SLC35F5: variants seen among roughly 807,000 people sequenced by gnomAD.
SLC35F5 encodes solute carrier family 35 member F5, also known as HCV NS5A-transactivated protein 3.
Under a neutral mutation model 68.6 loss-of-function variants are expected in SLC35F5, and 54 were observed. That is an observed-to-expected ratio of 0.79 (90% CI 0.63 to 0.99). The LOEUF is 0.99. Ranked by LOEUF, SLC35F5 falls within the 50% of genes least tolerant of loss-of-function variation. The pLI is 0.00. For missense variants in SLC35F5, 567 were observed against 626.9 expected (o/e 0.90, Z 1.02); for synonymous variants, 211 against 205.2 (o/e 1.03, Z -0.24).
downstream of SLC35F5, chr2:113,705,049 T>G (rs985653201): frequency 2.0e-5 from 3 of 152,190 alleles, no homozygotes; most frequent in Non-Finnish European, 2.9e-5. Flanking sequence ...TAGAGAACAC[T>G]AGACTGACAG....
intron 14 of SLC35F5, among the ~76,000 whole-genome samples, chr2:113,718,278 GGGTCTTGATATGTTGCCCAGGCT>G (rs1574209362): frequency 6.6e-6 from 1 of 151,964 alleles, no homozygotes; most frequent in African/African-American, 2.4e-5. Context: ...CTTAGAGACA[GGGTCTTGATATGTTGCCCAGGCT>G]GGTCTTGAGC....
In SLC35F5 at chr2:113,742,862, C is replaced by T. The variant is rs947208204; in HGVS notation, c.580G>A (p.Val194Met). 6.2e-7 allele frequency: 1 copy of T among 1,613,100 alleles called. No homozygotes were observed. Among genetic ancestry groups the T allele is most frequent in the African/African-American group, 1.3e-5 (1 of 74,882 alleles). ...ATCTCCATGATATTACTGAACCTCA[C>T]ACGAGACTTTTTGGGGGCTTAAAAG... Reference protein sequence around the residue: ...DTEKTPKKSRVRFSNIMEIRQ... With the variant: ...DTEKTPKKSRMRFSNIMEIRQ... The change falls in exon 7 of 16, where the codon GTG becomes ATG. Residue 194 changes from valine to methionine, a missense_variant. Coordinates refer to ENST00000245680, the MANE Select transcript of SLC35F5 (RefSeq NM_025181.5).
intron 11 of SLC35F5, among the ~76,000 whole-genome samples, chr2:113,728,378 A>T (rs1332250160): frequency 1.3e-5 from 2 of 151,986 alleles, no homozygotes; most frequent in Non-Finnish European, 2.9e-5. Flanking sequence ...GGCTTCAAGC[A>T]GTCCTCCTGC....
rs1243344529 is a variant in SLC35F5 at position 113,706,935 on chromosome 2, T to C, written c.*8283A>G. Reference sequence around the variant, plus strand: ...TGTTCCCAAATTATATAGTTTAAAATACACAATGTTTCAAGTTGCAAGACA... The same window carrying C: ...TGTTCCCAAATTATATAGTTTAAAACACACAATGTTTCAAGTTGCAAGACA... On this transcript the variant is annotated 3_prime_UTR_variant, in exon 16 of 16. Transcript: ENST00000245680. Among the ~76,000 whole-genome samples, 2 of 152,158 alleles carry C rather than the reference T, an allele frequency of 1.3e-5. No homozygotes were observed. Among genetic ancestry groups the C allele is most frequent in the Non-Finnish European group, 2.9e-5 (2 of 68,028 alleles).
rs1677000733 is a variant in SLC35F5, at chr2:113,756,520, G to T, written c.-111C>A. ...CCGCACTGGAGGCCCAGCTCCTGAAGACGCGGTGCCCCTCAGGGAGAGGCT... is the reference window on the plus strand; with the variant it reads ...CCGCACTGGAGGCCCAGCTCCTGAATACGCGGTGCCCCTCAGGGAGAGGCT... On this transcript the variant is annotated 5_prime_UTR_variant, in exon 1 of 16. Transcript: ENST00000245680. 1.3e-6 allele frequency: 2 copies of T among 1,504,478 alleles called. No individual in the cohort carries two copies. Among genetic ancestry groups the T allele is most frequent in the Non-Finnish European group, 1.8e-6 (2 of 1,131,156 alleles). The allele number at this position is 1,504,478 out of a possible 1,614,324, so 93.2% of individuals were successfully genotyped here.
At position 113,756,447 on chromosome 2, in the gene SLC35F5, C is replaced by G. The variant is rs1432460103; in HGVS notation, c.-38G>C. On this transcript the variant is annotated 5_prime_UTR_variant, in exon 1 of 16. Transcript: ENST00000245680. The stretch of plus-strand genomic sequence containing the variant: ...CAGGCCCCGCAGCCGCCCAGCGCCA[C>G]GGCCGCGGCCTCGGACTCACAGAGC... The G allele has an allele frequency of 6.5e-7, 1 of 1,539,182 alleles. No homozygotes were observed. The highest frequency in any genetic ancestry group is 2.0e-5 in the Admixed American group (1 of 50,882).
rs779197023 is a variant in SLC35F5 at position 113,725,703 on chromosome 2, C to A, written c.1091-166G>T. On this transcript the variant is annotated intron_variant, in intron 11 of 15. Transcript: ENST00000245680. ...TAAGTCAGTCCTGTGAATAGCTCAA[C>A]GCCATAGAAAAAAAAACTGTCTGAA... 162 of 536,138 alleles carry A rather than the reference C, an allele frequency of 3.0e-4. 2 individuals carry two copies. In the East Asian group the frequency reaches 5.4e-3, roughly 18 times the overall value. The allele number at this position is 536,138 out of a possible 1,614,324, so 33.2% of individuals were successfully genotyped here.
At chr2:113,717,943 C>T (rs1204567370) in intron 14 of SLC35F5, 93 bp from the exon 15 acceptor site, 1 of 844,478 alleles carries the variant, frequency 1.2e-6, no homozygotes, top group African/African-American at 1.7e-5. Flanking sequence ...GCTATGTGGA[C>T]AGGATGCAAG....
At chr2:113,734,126 G>A (rs1384612194) in intron 9 of SLC35F5, among the ~76,000 whole-genome samples, 1 of 152,200 alleles carries the variant, frequency 6.6e-6, no homozygotes, top group Non-Finnish European at 1.5e-5. Flanking sequence ...GTGCAAAACT[G>A]CCAAATGAAT....
downstream of SLC35F5, chr2:113,704,207 T>G (rs967584514): frequency 6.6e-6 from 1 of 152,264 alleles, no homozygotes. Context: ...TTTTATTCTC[T>G]TATCTGGCCC....
chr2:113,755,516 T>C lies in SLC35F5; in HGVS notation c.69A>G (p.Arg23=). 1 of 1,613,930 alleles carries C rather than the reference T, an allele frequency of 6.2e-7. No individual in the cohort carries two copies. The highest frequency in any genetic ancestry group is 8.5e-7 in the Non-Finnish European group (1 of 1,179,956). The change falls in exon 2 of 16, where the codon AGA becomes AGG. Residue 23 remains arginine (R), a synonymous_variant. Transcript: ENST00000245680. The part of the protein sequence containing the change: ...PGVLSSSPPF[R]LRSAKFSGIA... ...TGCCGGAAAACTTGGCAGATCTCAG[T>C]CTAAAAGGAGGTGAAGAACTCAGCA...
chr2:113,753,002 G>A (rs1676805421), intron 3 of SLC35F5, among the ~76,000 whole-genome samples: 1 of 152,004 alleles, frequency 6.6e-6, no homozygotes. Flanking sequence ...AAAAAGTTTT[G>A]AGGAGAGGTT....
At chr2:113,756,067 AT>A in intron 1 of SLC35F5, 1 of 1,458,210 alleles carries the variant, frequency 6.9e-7, no homozygotes, top group Non-Finnish European at 9.0e-7. Context: ...ACATCCAGTC[AT>A]TTTAAAAGAA....
Position 113,719,197 on chromosome 2 carries a change from T to A in SLC35F5, c.1453A>T (p.Arg485Ter). ...NNWDPVMVGI[R>*]RIFAFICRKH... ...CTGCATATAAAAGCAAATATTCTTC[T>A]GATTCCCACCATCACAGGATCCCAA... is the stretch of plus-strand genomic sequence containing the variant. The change falls in exon 14 of 16, where the codon AGA (arginine) becomes TGA (stop). Residue 485 changes from arginine to a stop codon, truncating the protein, a stop_gained. Transcript: ENST00000245680. LOFTEE classifies it high-confidence loss of function. 1 of 1,607,740 alleles carries A rather than the reference T, an allele frequency of 6.2e-7. No homozygotes were observed. The highest frequency in any genetic ancestry group is 1.7e-5 in the Admixed American group (1 of 58,428).
chr2:113,730,415 T>G (rs761437100), intron 10 of SLC35F5, among the ~76,000 whole-genome samples: 1 of 152,222 alleles, frequency 6.6e-6, no homozygotes, highest in Non-Finnish European at 1.5e-5. Flanking sequence ...GTCAACAAAA[T>G]CTTGCATACA....
rs1687892808 is a variant in SLC35F5 at position 113,731,604 on chromosome 2, G to A, written c.965C>T (p.Pro322Leu). Residue 322 changes from proline to leucine, a missense_variant, in exon 10 of 16, where the codon CCT becomes CTT. Physicochemically the swap from Pro to Leu is moderately conservative, Grantham distance 98. Coordinates refer to ENST00000245680, the MANE Select transcript of SLC35F5 (RefSeq NM_025181.5). ...CTTACCTACTGTGTCTCTTCCAGCAGGTTTTTCAGACCCTGCCAGGTTTAC... is the reference window on the plus strand; with the variant it reads ...CTTACCTACTGTGTCTCTTCCAGCAAGTTTTTCAGACCCTGCCAGGTTTAC... ...VLVNLAGSEK[P>L]AGRDTVGSIW... The A allele has an allele frequency of 3.7e-6, 6 of 1,612,934 alleles. No individual in the cohort carries two copies. In the African/African-American group the frequency reaches 8.0e-5, roughly 22 times the overall value.
chr2:113,725,265 G>A, intron 12 of SLC35F5, 113 bp downstream of exon 12: 2 of 904,436 alleles, frequency 2.2e-6, no homozygotes. Context: ...AGTTGTATGT[G>A]TGTTGCAGAA....
chr2:113,738,744 C>G (rs1050617389), intron 7 of SLC35F5, among the ~76,000 whole-genome samples: 8 of 151,766 alleles, frequency 5.3e-5, no homozygotes, highest in African/African-American at 1.9e-4. Context: ...TTGATCTACA[C>G]TGTCCAGTAC....
rs1676374877 is a variant in SLC35F5, at chr2:113,743,719, C to T, written c.556G>A (p.Glu186Lys). The change falls in exon 6 of 16, where the codon GAA becomes AAA. Residue 186 changes from glutamate to lysine, a missense_variant. Transcript: ENST00000245680. ...EKPESTNIDT[E>K]KTPKKSRVRF... ...ATTTCCAAGTTTTGCTTACTTTTTT[C>T]AGTATCAATGTTTGTGCTCTCAGGT... 2 of 1,608,808 alleles carry T rather than the reference C, an allele frequency of 1.2e-6. No homozygotes were observed. Among genetic ancestry groups the T allele is most frequent in the African/African-American group, 1.3e-5 (1 of 74,782 alleles).
Sources: gnomAD v4.1 joint callset for allele counts (sites outside exome capture counted in the v4.1 genomes callset) on GRCh38, gnomAD v4.1.1 for gene constraint, MANE v1.5 for transcripts, NCBI Gene and HGNC (gene_info 2026-07-23, HGNC 2026-07-21) for gene names.